The following PPP2R5C variants were observed in gnomAD, a reference collection of about 807,000 sequenced individuals.
PPP2R5C encodes the protein protein phosphatase 2 regulatory subunit B'gamma, also known as serine/threonine-protein phosphatase 2A 56 kDa regulatory subunit gamma isoform.
PPP2R5C carries 7 observed loss-of-function variants against 68.9 expected under a neutral mutation model. The ratio of observed to expected loss-of-function variants is 0.10; its 90% confidence interval spans 0.06 to 0.19. The LOEUF (loss-of-function observed/expected upper bound fraction) is 0.19, where lower values mean the gene tolerates loss of function less well. Among genes scored for constraint, PPP2R5C ranks in the 10% least tolerant of loss-of-function variants. The probability of loss-of-function intolerance (pLI) is 1.00; values close to 1 mark genes in which losing one functional copy is unlikely to be tolerated. For missense variants in PPP2R5C, 348 were observed against 641.3 expected, an observed-to-expected ratio of 0.54 and a Z score of 4.94; for synonymous variants, 210 against 222.2, an observed-to-expected ratio of 0.95 and a Z score of 0.49.
chr14:101,836,152 G>A (rs2041081347), intron 1 of PPP2R5C: 2 of 686,252 alleles, frequency 2.9e-6, no homozygotes, highest in Admixed American at 2.1e-5. Flanking sequence ...GCAGCTGAAA[G>A]GTTTTTTTTT....
chr14:101,878,566 G>A (rs2043939148), intron 2 of PPP2R5C, among the ~76,000 whole-genome samples: 1 of 152,224 alleles, frequency 6.6e-6, no homozygotes, highest in South Asian at 2.1e-4. Flanking sequence ...GAAACAGCAG[G>A]AGAGACAGAG....
intron 1 of PPP2R5C, among the ~76,000 whole-genome samples, chr14:101,851,556 A>G (rs1184951133): frequency 6.6e-6 from 1 of 152,130 alleles, no homozygotes; most frequent in Admixed American, 6.5e-5. Flanking sequence ...GTGACCAGGG[A>G]GTACTTCCCA....
At chr14:101,824,432 C>T (rs891926710) in intron 1 of PPP2R5C, 8 of 183,316 alleles carry the variant, frequency 4.4e-5, no homozygotes, top group Admixed American at 2.2e-4. Context: ...AACCTATGCA[C>T]GCATGTTCCT....
intron 5 of PPP2R5C, among the ~76,000 whole-genome samples, chr14:101,887,915 C>T (rs1412334234): frequency 6.6e-6 from 1 of 152,174 alleles, no homozygotes; most frequent in African/African-American, 2.4e-5. Flanking sequence ...GTGAGAAACA[C>T]TCTCTCCGGC....
chr14:101,907,290 G>T (rs555389288), intron 10 of PPP2R5C, among the ~76,000 whole-genome samples: 2 of 151,884 alleles, frequency 1.3e-5, no homozygotes, highest in East Asian at 3.9e-4. Context: ...CCTGCCTCAG[G>T]GTCCTGAGTA....
intron 8 of PPP2R5C, among the ~76,000 whole-genome samples, chr14:101,895,307 T>A (rs916114084): frequency 3.3e-5 from 5 of 152,192 alleles, no homozygotes; most frequent in Non-Finnish European, 7.3e-5. Flanking sequence ...TGAATTTTTT[T>A]AAATTGTGGT....
At chr14:101,763,048 C>A in intron 2 of PPP2R5C, 78 bp downstream of exon 2, 2 of 1,248,932 alleles carry the variant, frequency 1.6e-6, no homozygotes, top group Non-Finnish European at 2.2e-6. Flanking sequence ...AGTGATAAAG[C>A]CTAGAATCTT....
intron 1 of PPP2R5C, among the ~76,000 whole-genome samples, chr14:101,844,302 G>A (rs914683849): frequency 1.3e-5 from 2 of 152,094 alleles, no homozygotes; most frequent in South Asian, 2.1e-4. Context: ...GGGCCGGAGC[G>A]GTCTGGCACT....
intron 2 of PPP2R5C, among the ~76,000 whole-genome samples, chr14:101,772,972 A>G (rs946928784): frequency 1.3e-5 from 2 of 152,116 alleles, no homozygotes; most frequent in Admixed American, 1.3e-4. Context: ...CTCTGGAGTC[A>G]GGTCCCCCTT....
In PPP2R5C at chr14:101,827,285, A is replaced by G. The variant is rs2040457818; in HGVS notation, c.94+17249A>G. ...GCCACTACACCCAGCCTTGTTTAAC[A>G]TTTTTCAGCTGCATGGAAAACTGAT... On this transcript the variant is annotated intron_variant, in intron 1 of 13. Transcript: ENST00000334743. Among the ~76,000 whole-genome samples the G allele has an allele frequency of 2.0e-5, 3 of 151,680 alleles. 1 individual carries two copies. In the South Asian group the frequency reaches 6.2e-4, roughly 32 times the overall value.
chr14:101,866,171 T>A (rs1566921168), intron 2 of PPP2R5C, among the ~76,000 whole-genome samples: 1 of 152,250 alleles, frequency 6.6e-6, no homozygotes, highest in Non-Finnish European at 1.5e-5. Flanking sequence ...CTGGGATAAC[T>A]GGCGTGAGCC....
intron 13 of PPP2R5C, among the ~76,000 whole-genome samples, chr14:101,919,046 G>C (rs56223232): frequency 6.6e-6 from 1 of 152,130 alleles, no homozygotes; most frequent in African/African-American, 2.4e-5. Context: ...TATGTTGTTT[G>C]AATGAATGCC....
chr14:101,796,619 G>T (rs1362788206), intron 3 of PPP2R5C: 1 of 156,296 alleles, frequency 6.4e-6, no homozygotes, highest in Non-Finnish European at 1.4e-5. Context: ...TTGCCTGTCA[G>T]ACAGCCTGAG....
intron 1 of PPP2R5C, among the ~76,000 whole-genome samples, chr14:101,840,815 A>C (rs1276075539): frequency 1.3e-5 from 2 of 152,186 alleles, no homozygotes; most frequent in Admixed American, 1.3e-4. Context: ...GACATTGTCA[A>C]ATTGAGATTC....
At chr14:101,833,805 G>A (rs1287094499) in intron 1 of PPP2R5C, among the ~76,000 whole-genome samples, 1 of 151,948 alleles carries the variant, frequency 6.6e-6, no homozygotes, top group Non-Finnish European at 1.5e-5. Context: ...GGTTTTTTTG[G>A]CATTTTTTGT....
intron 2 of PPP2R5C, among the ~76,000 whole-genome samples, chr14:101,777,681 A>G (rs1160756403): frequency 1.3e-5 from 2 of 152,072 alleles, no homozygotes; most frequent in African/African-American, 4.8e-5. Context: ...AACTTGCCGA[A>G]GAACCACCAA....
At chr14:101,836,291 A>G in intron 1 of PPP2R5C, 2 of 702,862 alleles carry the variant, frequency 2.8e-6, no homozygotes, top group South Asian at 3.0e-5. Context: ...CGGCCCCCAA[A>G]GCATGGACGG....
chr14:101,762,345 A>T (rs951311693), intron 1 of PPP2R5C, among the ~76,000 whole-genome samples: 1 of 151,912 alleles, frequency 6.6e-6, no homozygotes, highest in Non-Finnish European at 1.5e-5. Flanking sequence ...ACGCCTGGGG[A>T]GGGACCCCTG....
intron 8 of PPP2R5C, among the ~76,000 whole-genome samples, chr14:101,900,755 C>T (rs1166913860): frequency 2.0e-5 from 3 of 152,212 alleles, no homozygotes; most frequent in African/African-American, 4.8e-5. Flanking sequence ...CTGACTTGGC[C>T]AAGGAACATA....
Sources: allele counts gnomAD v4.1 joint callset (sites outside exome capture counted in the v4.1 genomes callset), GRCh38; gene constraint gnomAD v4.1.1; transcripts MANE v1.5; gene names NCBI Gene and HGNC (gene_info 2026-07-23, HGNC 2026-07-21).